Variants in TAFA4 observed in about 807,000 individuals in gnomAD.
TAFA4 encodes the protein chemokine-like protein TAFA-4.
In TAFA4, 20 loss-of-function variants were observed where a neutral mutation model predicts 21.1. The ratio of observed to expected loss-of-function variants is 0.95; its 90% CI spans 0.67 to 1.38. The LOEUF (loss-of-function observed/expected upper bound fraction) is 1.38, where lower values mean the gene tolerates loss of function less well. TAFA4 is among the 40% of genes most tolerant of loss of function. The pLI, the probability that TAFA4 is intolerant of heterozygous loss-of-function variation, is 0.00. For synonymous variants in TAFA4, 71 were observed against 67.4 expected (o/e 1.05, Z -0.26); for missense variants, 211 against 180.9 (o/e 1.17, Z -0.95).
At chr3:68,746,427 TGCAACTATGAACAGAAAA>T (rs1378133512) in intron 4 of TAFA4, among the ~76,000 whole-genome samples, 4 of 152,222 alleles carry the variant, frequency 2.6e-5, no homozygotes, top group Non-Finnish European at 4.4e-5. Flanking sequence ...ATGTTTCTAC[TGCAACTATGAACAGAAAA>T]ATTAAGAAAA....
intron 3 of TAFA4, among the ~76,000 whole-genome samples, chr3:68,838,811 T>C (rs1704585091): frequency 6.6e-6 from 1 of 152,060 alleles, no homozygotes; most frequent in African/African-American, 2.4e-5. Context: ...CAAAAGTCCC[T>C]GCCTGCCAGG....
chr3:68,875,934 G>C (rs752685289), intron 3 of TAFA4, among the ~76,000 whole-genome samples: 1 of 150,774 alleles, frequency 6.6e-6, no homozygotes, highest in Non-Finnish European at 1.5e-5. Context: ...AAAAAAGAGA[G>C]AGAGAACTAA....
At chr3:68,791,162 A>G (rs532956805) in intron 3 of TAFA4, among the ~76,000 whole-genome samples, 1 of 152,330 alleles carries the variant, frequency 6.6e-6, no homozygotes, top group South Asian at 2.1e-4. Flanking sequence ...CAACACAAGT[A>G]TTAGAAGTTG....
At chr3:68,910,115 T>C (rs892317183) in intron 1 of TAFA4, among the ~76,000 whole-genome samples, 4 of 152,102 alleles carry the variant, frequency 2.6e-5, no homozygotes, top group African/African-American at 9.7e-5. Context: ...CATCATAGAG[T>C]CTCTAGAGCT....
intron 1 of TAFA4, among the ~76,000 whole-genome samples, chr3:68,893,756 A>T (rs1208226895): frequency 6.6e-6 from 1 of 152,236 alleles, no homozygotes; most frequent in Non-Finnish European, 1.5e-5. Context: ...TTAGTGGGAT[A>T]AAGGCTTCTT....
At chr3:68,756,834 AAAATT>A (rs1293068745) in intron 3 of TAFA4, among the ~76,000 whole-genome samples, 1 of 152,244 alleles carries the variant, frequency 6.6e-6, no homozygotes, top group Admixed American at 6.5e-5. Flanking sequence ...ATACAATTGT[AAAATT>A]AAATAAATAG....
chr3:68,780,822 G>A (rs1703140373), intron 3 of TAFA4, among the ~76,000 whole-genome samples: 1 of 151,572 alleles, frequency 6.6e-6, no homozygotes, highest in African/African-American at 2.4e-5. Flanking sequence ...TATGGAAAAA[G>A]TATGCCCAAA....
intron 3 of TAFA4, among the ~76,000 whole-genome samples, chr3:68,867,472 A>G (rs2089434467): frequency 6.6e-6 from 1 of 152,142 alleles, no homozygotes; most frequent in African/African-American, 2.4e-5. Context: ...TAATGTGCAA[A>G]AAGAAAACAT....
At chr3:68,814,024 A>G (rs1055848937) in intron 3 of TAFA4, among the ~76,000 whole-genome samples, 1 of 152,244 alleles carries the variant, frequency 6.6e-6, no homozygotes, top group Non-Finnish European at 1.5e-5. Flanking sequence ...ACGCAAATCA[A>G]TAAATGTAAT....
At chr3:68,762,019 T>A (rs1702763533) in intron 3 of TAFA4, among the ~76,000 whole-genome samples, 1 of 151,956 alleles carries the variant, frequency 6.6e-6, no homozygotes, top group South Asian at 2.1e-4. Context: ...AGTCCAGATA[T>A]TTAAGTCTGG....
chr3:68,856,913 G>A (rs1031886730), intron 3 of TAFA4, among the ~76,000 whole-genome samples: 1 of 152,112 alleles, frequency 6.6e-6, no homozygotes, highest in Non-Finnish European at 1.5e-5. Context: ...GTGACCTTGA[G>A]TTACACACAG....
At chr3:68,750,316 G>C (rs1027182296) in intron 4 of TAFA4, among the ~76,000 whole-genome samples, 1 of 152,130 alleles carries the variant, frequency 6.6e-6, no homozygotes, top group Non-Finnish European at 1.5e-5. Context: ...AAGGGAAGAC[G>C]AATGGCTAAA....
chr3:68,802,857 G>A (rs1429750180), intron 3 of TAFA4, among the ~76,000 whole-genome samples: 2 of 152,200 alleles, frequency 1.3e-5, no homozygotes, highest in African/African-American at 2.4e-5. Flanking sequence ...TGGTTAGGAA[G>A]TTGGCCTTTC....
At chr3:68,768,091 C>T (rs963336549) in intron 3 of TAFA4, among the ~76,000 whole-genome samples, 2 of 151,850 alleles carry the variant, frequency 1.3e-5, no homozygotes, top group African/African-American at 4.8e-5. Flanking sequence ...AAAGCACAGG[C>T]AAGAAAAGCA....
intron 1 of TAFA4, among the ~76,000 whole-genome samples, chr3:68,886,508 G>A (rs1310423338): frequency 6.6e-6 from 1 of 152,076 alleles, no homozygotes; most frequent in Admixed American, 6.5e-5. Context: ...TCATCATAAT[G>A]AACTCCCCAC....
chr3:68,754,403 A>T (rs1702620402), intron 3 of TAFA4, among the ~76,000 whole-genome samples: 1 of 152,160 alleles, frequency 6.6e-6, no homozygotes, highest in Non-Finnish European at 1.5e-5. Flanking sequence ...ATTTTTCAAG[A>T]GTTACATGCC....
chr3:68,762,552 T>C (rs1702775727), intron 3 of TAFA4, among the ~76,000 whole-genome samples: 4 of 152,204 alleles, frequency 2.6e-5, no homozygotes, highest in Admixed American at 2.6e-4. Flanking sequence ...CAGCCGATGG[T>C]CTATTTGCAG....
intron 3 of TAFA4, among the ~76,000 whole-genome samples, chr3:68,776,329 C>A (rs549319270): frequency 2.6e-5 from 4 of 152,084 alleles, no homozygotes; most frequent in Non-Finnish European, 5.9e-5. Flanking sequence ...AAGAAAGATA[C>A]ACCATACAGA....
intron 3 of TAFA4, among the ~76,000 whole-genome samples, chr3:68,804,630 G>T (rs896506602): frequency 6.6e-5 from 10 of 152,160 alleles, no homozygotes; most frequent in Non-Finnish European, 1.0e-4. Context: ...AGAGAACAGA[G>T]GCCTCAGAAA....
Sources: allele counts gnomAD v4.1 joint callset (sites outside exome capture counted in the v4.1 genomes callset), GRCh38; gene constraint gnomAD v4.1.1; transcripts MANE v1.5; gene names NCBI Gene and HGNC (gene_info 2026-07-23, HGNC 2026-07-21).